Variants in TMEM232 observed in about 807,000 individuals in gnomAD.
The protein encoded by TMEM232 is transmembrane protein 232.
Under a neutral mutation model 78.8 loss-of-function variants are expected in TMEM232, and 80 were observed. The observed-to-expected ratio is 1.01, with a 90% CI of 0.85 to 1.22. TMEM232 has a LOEUF of 1.22. Among genes scored for constraint, TMEM232 ranks in the 50% most tolerant of loss-of-function variants. The pLI is 0.00. For missense variants in TMEM232, 881 were observed against 742.2 expected (o/e 1.19, Z -2.17); for synonymous variants, 297 against 254.3 (o/e 1.17, Z -1.60).
chr5:110,475,717 G>A (rs1487024548), intron 12 of TMEM232, among the ~76,000 whole-genome samples: 1 of 151,758 alleles, frequency 6.6e-6, no homozygotes, highest in Non-Finnish European at 1.5e-5. Context: ...AAGCCTCCCA[G>A]AGAAAGAACT....
At chr5:110,605,849 T>C (rs965695147) in intron 9 of TMEM232, among the ~76,000 whole-genome samples, 2 of 152,092 alleles carry the variant, frequency 1.3e-5, no homozygotes, top group African/African-American at 4.8e-5. Flanking sequence ...AGAGATTTTA[T>C]GTATGAGAAT....
At chr5:110,654,881 T>C (rs901980584) in intron 2 of TMEM232, among the ~76,000 whole-genome samples, 1 of 152,310 alleles carries the variant, frequency 6.6e-6, no homozygotes, top group African/African-American at 2.4e-5. Context: ...GTAAGTTGGA[T>C]TCCTAAGTAT....
intron 10 of TMEM232, among the ~76,000 whole-genome samples, chr5:110,581,728 C>T (rs1778228266): frequency 6.6e-6 from 1 of 151,398 alleles, no homozygotes; most frequent in Non-Finnish European, 1.5e-5. Context: ...AACAGACAAC[C>T]TACAAAATGA....
At chr5:110,489,142 T>C (rs1374158928) in intron 12 of TMEM232, among the ~76,000 whole-genome samples, 1 of 151,956 alleles carries the variant, frequency 6.6e-6, no homozygotes, top group Non-Finnish European at 1.5e-5. Context: ...AGAATTAACA[T>C]CATTCTTTCA....
chr5:110,610,640 A>G, intron 8 of TMEM232: 1 of 417,734 alleles, frequency 2.4e-6, no homozygotes, highest in Non-Finnish European at 4.7e-6. Flanking sequence ...ACTCCTGCCT[A>G]CTAAATCACA....
At chr5:110,487,985 T>C (rs1286701696) in intron 12 of TMEM232, among the ~76,000 whole-genome samples, 1 of 152,140 alleles carries the variant, frequency 6.6e-6, no homozygotes. Flanking sequence ...TGAATCCATC[T>C]GGTCCTTTTT....
intron 2 of TMEM232, among the ~76,000 whole-genome samples, chr5:110,649,079 A>G (rs1787928068): frequency 6.6e-6 from 1 of 152,104 alleles, no homozygotes; most frequent in African/African-American, 2.4e-5. Context: ...GAAGACCCAA[A>G]GGTAAGTATT....
At chr5:110,478,022 G>C (rs1268305714) in intron 12 of TMEM232, among the ~76,000 whole-genome samples, 1 of 151,808 alleles carries the variant, frequency 6.6e-6, no homozygotes, top group African/African-American at 2.4e-5. Flanking sequence ...TAGTGGAAAG[G>C]CATTCATTAC....
chr5:110,520,294 A>G (rs1769316034), intron 12 of TMEM232, among the ~76,000 whole-genome samples: 1 of 152,080 alleles, frequency 6.6e-6, no homozygotes, highest in Admixed American at 6.6e-5. Flanking sequence ...ATGTACAGCT[A>G]GTATGTATTC....
intron 10 of TMEM232, among the ~76,000 whole-genome samples, chr5:110,591,773 T>G (rs545675174): frequency 6.6e-6 from 1 of 152,286 alleles, no homozygotes; most frequent in Admixed American, 6.5e-5. Context: ...AGATCTGGGT[T>G]TTTTTCACTC....
At chr5:110,431,362 T>G (rs1757823470) in intron 12 of TMEM232, among the ~76,000 whole-genome samples, 1 of 151,006 alleles carries the variant, frequency 6.6e-6, no homozygotes, top group African/African-American at 2.4e-5. Context: ...GCGTTATGTT[T>G]GAATCACATG....
intron 12 of TMEM232, among the ~76,000 whole-genome samples, chr5:110,437,993 G>C (rs1383129885): frequency 1.3e-5 from 2 of 152,060 alleles, no homozygotes; most frequent in African/African-American, 4.8e-5. Flanking sequence ...CAGTGGATAA[G>C]GTAGCATCTC....
chr5:110,656,374 GT>G (rs768917644), intron 2 of TMEM232, among the ~76,000 whole-genome samples: 5 of 152,152 alleles, frequency 3.3e-5, no homozygotes, highest in Non-Finnish European at 5.9e-5. Context: ...CTGCTCTCAA[GT>G]TCCACAACAC....
intron 11 of TMEM232, among the ~76,000 whole-genome samples, chr5:110,551,606 G>T (rs1010391134): frequency 6.6e-6 from 1 of 152,118 alleles, no homozygotes; most frequent in African/African-American, 2.4e-5. Context: ...TCATTGCAAA[G>T]AATTTTCCAG....
chr5:110,391,326 T>TGTGTGTGTGAGAGA (rs549361387), intron 3 of TMEM232, among the ~76,000 whole-genome samples: 25 of 139,922 alleles, frequency 1.8e-4, no homozygotes, highest in African/African-American at 4.4e-4. Flanking sequence ...TGTGTGTGTG[T>TGTGTGTGTGAGAGA]GAGAGAGAGA....
At chr5:110,457,448 T>C (rs1441386682) in intron 12 of TMEM232, among the ~76,000 whole-genome samples, 1 of 152,160 alleles carries the variant, frequency 6.6e-6, no homozygotes, top group Non-Finnish European at 1.5e-5. Context: ...GAAAACAGTT[T>C]GGTTATTTTT....
rs141523109 is a variant in TMEM232 at position 110,602,015 on chromosome 5, C to T, written c.1276+3094G>A. On this transcript the variant is annotated intron_variant, in intron 10 of 13. Transcript: ENST00000455884. ...AACACACTTACAATCATCTGATCTTCGACAAACCTGACAAAAACAAGCAAT... is the reference window on the plus strand; with the variant it reads ...AACACACTTACAATCATCTGATCTTTGACAAACCTGACAAAAACAAGCAAT... Among the ~76,000 whole-genome samples, 1,352 of 152,056 alleles carry T rather than the reference C, an allele frequency of 8.9e-3. 12 individuals are homozygous for T. Among genetic ancestry groups the T allele is most frequent in the Non-Finnish European group, 0.014 (926 of 67,924 alleles).
intron 7 of TMEM232, 95 bp from the exon 8 acceptor site, chr5:110,618,657 T>A: frequency 7.9e-7 from 1 of 1,262,422 alleles, no homozygotes; most frequent in Non-Finnish European, 1.1e-6. Context: ...ATTTTAAATA[T>A]ACAAATGAAA....
chr5:110,478,729 C>T (rs1050015930), intron 12 of TMEM232, among the ~76,000 whole-genome samples: 3 of 151,604 alleles, frequency 2.0e-5, no homozygotes, highest in Non-Finnish European at 4.4e-5. Flanking sequence ...TATCATAAGG[C>T]AATGTTTTGA....
Sources: gnomAD v4.1 joint callset for allele counts (sites outside exome capture counted in the v4.1 genomes callset) on GRCh38, gnomAD v4.1.1 for gene constraint, MANE v1.5 for transcripts, NCBI Gene and HGNC (gene_info 2026-07-23, HGNC 2026-07-21) for gene names.